The following SPATA13 variants were observed in gnomAD, a reference collection of about 807,000 sequenced individuals.
The protein encoded by SPATA13 is spermatogenesis-associated protein 13.
SPATA13 carries 50 observed loss-of-function variants against 104.0 expected under a neutral mutation model. The observed-to-expected ratio is 0.48, with a 90% CI of 0.38 to 0.61. SPATA13 has a LOEUF of 0.61. Ranked by LOEUF, SPATA13 falls within the 20% of genes least tolerant of loss-of-function variation. The pLI is 0.00. For synonymous variants in SPATA13, 606 were observed against 667.5 expected, an observed-to-expected ratio of 0.91 and a Z score of 1.42; for missense variants, 1,524 against 1,690.6, an observed-to-expected ratio of 0.90 and a Z score of 1.73.
intron 2 of SPATA13, among the ~76,000 whole-genome samples, chr13:24,003,469 G>A (rs1417628939): frequency 6.6e-6 from 1 of 152,190 alleles, no homozygotes; most frequent in Non-Finnish European, 1.5e-5. Context: ...AGGCTGCTGT[G>A]CCACAAAGCA....
chr13:24,302,759 C>T lies in SPATA13; in HGVS notation c.3820C>T (p.Pro1274Ser). The T allele has an allele frequency of 6.2e-7, 1 of 1,614,198 alleles. No homozygotes were observed. The highest frequency in any genetic ancestry group is 2.2e-5 in the East Asian group (1 of 44,880). The change falls in exon 13 of 13, where the codon CCC (proline) becomes TCC (serine). Residue 1274 changes from proline to serine, a missense_variant. Around this residue, in one of 2 missense-constraint regions of SPATA13, gnomAD observed 435 missense variants for 554.8 expected, o/e 0.78. Transcript: ENST00000382108. ...CTGGCACACCTTCAACAGGCTCACCCCCTTCCGGAAATGAAAACAGGAGGC... is the reference window on the plus strand; with the variant it reads ...CTGGCACACCTTCAACAGGCTCACCTCCTTCCGGAAATGAAAACAGGAGGC... ...LFWHTFNRLT[P>S]FRK
intron 1 of SPATA13, among the ~76,000 whole-genome samples, chr13:24,191,501 C>CTTTTTT (rs57437676): frequency 1.5e-5 from 1 of 67,422 alleles, no homozygotes; most frequent in African/African-American, 4.9e-5. Context: ...ACATTGCTTT[C>CTTTTTT]TTTTTTTTTT....
At chr13:24,187,987 T>C (rs550232510) in intron 1 of SPATA13, among the ~76,000 whole-genome samples, 1 of 152,334 alleles carries the variant, frequency 6.6e-6, no homozygotes, top group African/African-American at 2.4e-5. Flanking sequence ...GCTTGGCCTC[T>C]TGTGCCACAT....
At chr13:24,148,980 G>A (rs755944655) in intron 3 of SPATA13, among the ~76,000 whole-genome samples, 16 of 152,162 alleles carry the variant, frequency 1.1e-4, no homozygotes, top group Non-Finnish European at 1.9e-4. Context: ...TGTGACTCAG[G>A]GTTGGTGACT....
intron 4 of SPATA13, among the ~76,000 whole-genome samples, chr13:24,279,158 A>T (rs1031173706): frequency 6.6e-6 from 1 of 152,172 alleles, no homozygotes; most frequent in Non-Finnish European, 1.5e-5. Context: ...CAGGGGAGAC[A>T]GTGGAGTGAG....
intron 3 of SPATA13, among the ~76,000 whole-genome samples, chr13:24,094,058 C>T (rs991393954): frequency 6.6e-6 from 1 of 152,156 alleles, no homozygotes; most frequent in East Asian, 1.9e-4. Context: ...GCCTTCTATA[C>T]CGGAATGTCC....
chr13:24,121,986 A>G (rs1272372600), intron 3 of SPATA13: 21 of 980,884 alleles, frequency 2.1e-5, no homozygotes, highest in Non-Finnish European at 3.4e-5. Context: ...AGTAGATAAC[A>G]TGAACCACTT....
intron 2 of SPATA13, among the ~76,000 whole-genome samples, chr13:24,231,716 A>T (rs1215644059): frequency 6.6e-6 from 1 of 152,190 alleles, no homozygotes; most frequent in Admixed American, 6.5e-5. Context: ...TTAGATTCTC[A>T]CCAGCATTGT....
At chr13:24,297,121 C>T (rs1876840614) in intron 10 of SPATA13, among the ~76,000 whole-genome samples, 1 of 152,118 alleles carries the variant, frequency 6.6e-6, no homozygotes, top group Non-Finnish European at 1.5e-5. Flanking sequence ...TCACTACAGC[C>T]TCAAACTCCT....
chr13:24,298,259 G>A (rs190599016), intron 11 of SPATA13, among the ~76,000 whole-genome samples: 2 of 152,316 alleles, frequency 1.3e-5, no homozygotes, highest in African/African-American at 4.8e-5. Flanking sequence ...GGCTGTGCCT[G>A]TGCAATACCT....
intron 2 of SPATA13, among the ~76,000 whole-genome samples, chr13:24,240,259 T>TAA (rs78352354): frequency 1.5e-4 from 22 of 146,252 alleles, no homozygotes; most frequent in Non-Finnish European, 7.5e-5. Context: ...AACCTGTCTT[T>TAA]AAAAAAAAAA....
chr13:24,126,720 C>A (rs1162439017), intron 3 of SPATA13, among the ~76,000 whole-genome samples: 1 of 152,052 alleles, frequency 6.6e-6, no homozygotes, highest in East Asian at 1.9e-4. Context: ...CCATGCCCAG[C>A]TAATTTTATA....
chr13:24,139,297 A>T (rs970164897), intron 3 of SPATA13, among the ~76,000 whole-genome samples: 1 of 152,164 alleles, frequency 6.6e-6, no homozygotes, highest in South Asian at 2.1e-4. Context: ...ACTGGACTAC[A>T]TCTGCAGGGA....
chr13:24,120,907 C>T (rs1050062438), intron 3 of SPATA13, among the ~76,000 whole-genome samples: 4 of 152,112 alleles, frequency 2.6e-5, no homozygotes, highest in East Asian at 1.9e-4. Context: ...TGCGCTGTCA[C>T]GAAAGAGTGG....
At chr13:24,000,038 T>TA (rs1402986998) in intron 2 of SPATA13, among the ~76,000 whole-genome samples, 2 of 152,236 alleles carry the variant, frequency 1.3e-5, no homozygotes, top group African/African-American at 4.8e-5. Flanking sequence ...CCTCATTAGT[T>TA]ATCACCAATA....
At position 24,286,507 on chromosome 13, in the gene SPATA13, G is replaced by T. The variant is rs1875958300; in HGVS notation, c.2481+114G>T. 1 of 1,154,932 alleles carries T rather than the reference G, an allele frequency of 8.7e-7. No homozygotes were observed. Among genetic ancestry groups the T allele is most frequent in the Non-Finnish European group, 1.2e-6 (1 of 827,768 alleles). 71.5% of individuals were successfully genotyped at this position (1,154,932 alleles called of 1,614,324 possible). A position where few individuals can be genotyped will look rare whatever the true frequency, so the allele number is the denominator to read the frequency against. On this transcript the variant is annotated intron_variant, in intron 6 of 12. Transcript: ENST00000382108. The surrounding 1 kb of genome is among the most constrained non-coding windows in gnomAD (Gnocchi z 4.9). ...CTCTTTTGTAATTGATATCTGACAT[G>T]CAAGTCACACCTGTAAGAAATTAGG... is the stretch of plus-strand genomic sequence containing the variant.
intron 9 of SPATA13, among the ~76,000 whole-genome samples, chr13:24,293,217 G>T (rs1480699340): frequency 2.1e-5 from 3 of 143,286 alleles, no homozygotes; most frequent in Non-Finnish European, 4.6e-5. Flanking sequence ...GGAGAAATCA[G>T]AAAAGTTCAG....
intron 4 of SPATA13, among the ~76,000 whole-genome samples, chr13:24,281,677 A>T (rs1221838376): frequency 6.6e-6 from 1 of 152,190 alleles, no homozygotes; most frequent in African/African-American, 2.4e-5. Context: ...GGGGGAAGCA[A>T]CTGGAAAGCC....
At chr13:24,191,595 T>C (rs1220554) in intron 1 of SPATA13, among the ~76,000 whole-genome samples, 56,377 of 143,264 alleles carry the variant, frequency 0.39, 11,179 homozygotes, top group Admixed American at 0.49. Flanking sequence ...CTGCAAGCTC[T>C]GCCACCTGGG....
Sources: allele counts gnomAD v4.1 joint callset (sites outside exome capture counted in the v4.1 genomes callset), GRCh38; gene constraint gnomAD v4.1.1; regional missense constraint gnomAD v4.1.1; non-coding constraint Gnocchi (gnomAD v3.1); transcripts MANE v1.5; gene names NCBI Gene and HGNC (gene_info 2026-07-23, HGNC 2026-07-21).